Variants in SORCS2 observed in about 807,000 individuals in gnomAD.
The protein encoded by SORCS2 is sortilin related VPS10 domain containing receptor 2.
Under a neutral mutation model 141.6 loss-of-function variants are expected in SORCS2, and 100 were observed. That is an observed-to-expected ratio of 0.71 (90% confidence interval 0.60 to 0.83). The LOEUF (loss-of-function observed/expected upper bound fraction) is 0.83. SORCS2 is among the 40% of genes least tolerant of loss of function. SORCS2 has a pLI of 0.00. For synonymous variants in SORCS2, 789 were observed against 676.9 expected, an observed-to-expected ratio of 1.17 and a Z score of -2.57; for missense variants, 1,646 against 1,560.2, an observed-to-expected ratio of 1.05 and a Z score of -0.93.
chr4:7,385,657 G>T (rs936234789), intron 1 of SORCS2, among the ~76,000 whole-genome samples: 2 of 152,188 alleles, frequency 1.3e-5, no homozygotes, highest in African/African-American at 4.8e-5. Context: ...GGGTGAGGGT[G>T]ACCCTCCTGA....
chr4:7,561,464 CCATT>C (rs1330002997), intron 3 of SORCS2, among the ~76,000 whole-genome samples: 1 of 114,330 alleles, frequency 8.7e-6, no homozygotes, highest in Non-Finnish European at 1.8e-5. Flanking sequence ...ATCCATCTAT[CCATT>C]CATCCATCTA....
chr4:7,321,678 G>A (rs1224992893), intron 1 of SORCS2, among the ~76,000 whole-genome samples: 1 of 152,222 alleles, frequency 6.6e-6, no homozygotes, highest in Non-Finnish European at 1.5e-5. Context: ...GCCTAAAGAG[G>A]GCTGGGCTGG....
chr4:7,221,996 A>G (rs1310523722), intron 1 of SORCS2, among the ~76,000 whole-genome samples: 2 of 152,144 alleles, frequency 1.3e-5, no homozygotes, highest in East Asian at 1.9e-4. Flanking sequence ...GCTGAGTGCT[A>G]TGGAGAAAAT....
At chr4:7,384,154 G>T (rs764627080) in intron 1 of SORCS2, among the ~76,000 whole-genome samples, 2 of 152,144 alleles carry the variant, frequency 1.3e-5, no homozygotes, top group Non-Finnish European at 2.9e-5. Context: ...CCCAAGGGCT[G>T]CATGGTGGAG....
chr4:7,240,499 T>G (rs529575931), intron 1 of SORCS2, among the ~76,000 whole-genome samples: 3 of 152,278 alleles, frequency 2.0e-5, no homozygotes, highest in East Asian at 3.9e-4. Flanking sequence ...GTGATTATCT[T>G]CCTCTGATTC....
At chr4:7,391,278 A>T (rs929901436) in intron 1 of SORCS2, among the ~76,000 whole-genome samples, 3 of 152,194 alleles carry the variant, frequency 2.0e-5, no homozygotes, top group African/African-American at 7.2e-5. Flanking sequence ...TGGAGCTGAG[A>T]CTTCCTCTGA....
At chr4:7,698,000 T>C (rs1724821868) in intron 12 of SORCS2, among the ~76,000 whole-genome samples, 1 of 151,894 alleles carries the variant, frequency 6.6e-6, no homozygotes, top group African/African-American at 2.4e-5. Context: ...CCTCAGGGTG[T>C]GGAGAAAGCG....
At chr4:7,320,296 C>T (rs1397422104) in intron 1 of SORCS2, among the ~76,000 whole-genome samples, 1 of 152,168 alleles carries the variant, frequency 6.6e-6, no homozygotes, top group Non-Finnish European at 1.5e-5. Context: ...GAAAGGCTTG[C>T]TTTTCTAGAT....
chr4:7,380,241 T>C (rs1434048647), intron 1 of SORCS2, among the ~76,000 whole-genome samples: 1 of 152,162 alleles, frequency 6.6e-6, no homozygotes, highest in Non-Finnish European at 1.5e-5. Flanking sequence ...TGTCTGAGCA[T>C]AGGGAGCTTG....
chr4:7,633,901 C>T (rs1440617712), intron 3 of SORCS2, among the ~76,000 whole-genome samples: 2 of 121,598 alleles, frequency 1.6e-5, no homozygotes, highest in African/African-American at 5.1e-5. Flanking sequence ...GTCGTAAGAA[C>T]GTTTGAAAAA....
intron 1 of SORCS2, among the ~76,000 whole-genome samples, chr4:7,351,827 A>G (rs1339048315): frequency 2.0e-5 from 3 of 150,892 alleles, no homozygotes; most frequent in African/African-American, 7.3e-5. Flanking sequence ...TCCATCATCT[A>G]CCCATTCACC....
chr4:7,439,779 CTATT>C (rs1376546513), intron 2 of SORCS2, among the ~76,000 whole-genome samples: 5 of 152,186 alleles, frequency 3.3e-5, no homozygotes, highest in Non-Finnish European at 7.3e-5. Flanking sequence ...TTCTCACACT[CTATT>C]TATCCACCAT....
At chr4:7,243,306 C>G (rs1253376209) in intron 1 of SORCS2, among the ~76,000 whole-genome samples, 1 of 152,166 alleles carries the variant, frequency 6.6e-6, no homozygotes, top group Non-Finnish European at 1.5e-5. Flanking sequence ...CTTGGCCATT[C>G]TCCTCCCTGC....
At chr4:7,729,773 T>C in intron 23 of SORCS2, 61 bp downstream of exon 23, 1 of 1,566,124 alleles carries the variant, frequency 6.4e-7, no homozygotes, top group Non-Finnish European at 8.7e-7. Context: ...CTCGGGTCAT[T>C]TACAACAAGC....
chr4:7,519,068 G>A (rs936300908), intron 2 of SORCS2, among the ~76,000 whole-genome samples: 2 of 152,020 alleles, frequency 1.3e-5, no homozygotes, highest in African/African-American at 4.8e-5. Flanking sequence ...TCTGTCACCC[G>A]CCGTGGCTCT....
At chr4:7,540,557 G>A (rs982983765) in intron 3 of SORCS2, among the ~76,000 whole-genome samples, 6 of 152,206 alleles carry the variant, frequency 3.9e-5, no homozygotes, top group South Asian at 2.1e-4. Context: ...TCTGAGCAGC[G>A]AGAGCCAGGC....
In SORCS2 at chr4:7,222,933, G is replaced by A. The variant is rs114035821; in HGVS notation, c.480+29807G>A. Among the ~76,000 whole-genome samples, 210 of 152,222 alleles carry A rather than the reference G, an allele frequency of 1.4e-3. 1 individual carries two copies. The highest frequency in any genetic ancestry group is 4.9e-3 in the African/African-American group (203 of 41,530). ...CCTTGACTCATTCACTCAAGAACACGCAAAGACTTCTTTGCTTTTTTCAGG... is the reference window on the plus strand; with the variant it reads ...CCTTGACTCATTCACTCAAGAACACACAAAGACTTCTTTGCTTTTTTCAGG... On this transcript the variant is annotated intron_variant, in intron 1 of 26. Transcript: ENST00000507866.
intron 5 of SORCS2, among the ~76,000 whole-genome samples, chr4:7,658,886 T>C (rs1721968092): frequency 6.6e-6 from 1 of 152,142 alleles, no homozygotes; most frequent in Admixed American, 6.5e-5. Context: ...GCCTGAGACA[T>C]CTCAACCACT....
At chr4:7,393,656 C>T (rs1267713804) in intron 1 of SORCS2, among the ~76,000 whole-genome samples, 1 of 152,132 alleles carries the variant, frequency 6.6e-6, no homozygotes, top group Non-Finnish European at 1.5e-5. Context: ...GGGGCAGCAC[C>T]TCTTCGGTAT....
Sources: gnomAD v4.1 joint callset for allele counts (sites outside exome capture counted in the v4.1 genomes callset) on GRCh38, gnomAD v4.1.1 for gene constraint, MANE v1.5 for transcripts, NCBI Gene and HGNC (gene_info 2026-07-23, HGNC 2026-07-21) for gene names.